VIPR2: variants seen among roughly 807,000 people sequenced by gnomAD.
The protein encoded by VIPR2 is vasoactive intestinal peptide receptor 2, also known as vasoactive intestinal polypeptide receptor 2.
Under a neutral mutation model 58.0 loss-of-function variants are expected in VIPR2, and 48 were observed. The ratio of observed to expected loss-of-function variants is 0.83; its 90% confidence interval spans 0.66 to 1.05. The LOEUF is 1.05. VIPR2 is among the 50% of genes least tolerant of loss of function. VIPR2 has a pLI of 0.00. For missense variants in VIPR2, 534 were observed against 558.0 expected (o/e 0.96, Z 0.43); for synonymous variants, 243 against 235.2 (o/e 1.03, Z -0.30).
At chr7:159,036,070 G>A in intron 7 of VIPR2, 58 bp from the exon 8 acceptor site, 4 of 1,558,268 alleles carry the variant, frequency 2.6e-6, no homozygotes, top group Non-Finnish European at 2.6e-6. Flanking sequence ...GCACACAGGT[G>A]GGTGCCTTCA....
intron 5 of VIPR2, 79 bp from the exon 6 acceptor site, chr7:159,043,255 A>C: frequency 5.4e-6 from 7 of 1,288,108 alleles, no homozygotes; most frequent in Non-Finnish European, 6.4e-6. Flanking sequence ...GAGATGAGAA[A>C]CTCATACTAT....
intron 2 of VIPR2, among the ~76,000 whole-genome samples, chr7:159,132,240 G>GCA (rs1167033874): frequency 2.1e-5 from 3 of 143,284 alleles, no homozygotes; most frequent in African/African-American, 7.7e-5. Flanking sequence ...CCAGGCGCGG[G>GCA]CAGCCCCCGG....
chr7:159,106,817 C>T (rs1221307619), intron 3 of VIPR2, among the ~76,000 whole-genome samples: 10 of 138,474 alleles, frequency 7.2e-5, no homozygotes, highest in Admixed American at 1.5e-4. Context: ...AGAGAGAGGC[C>T]GGGGAGATGC....
intron 4 of VIPR2, among the ~76,000 whole-genome samples, chr7:159,092,842 CAG>C (rs1857582997): frequency 6.6e-6 from 1 of 152,052 alleles, no homozygotes; most frequent in East Asian, 1.9e-4. Context: ...CTCCGTGTCT[CAG>C]AGTTCTGGGC....
At chr7:159,039,041 C>G (rs1217722253) in intron 6 of VIPR2, among the ~76,000 whole-genome samples, 5 of 152,238 alleles carry the variant, frequency 3.3e-5, no homozygotes, top group Non-Finnish European at 7.3e-5. Context: ...TGCCAACGCC[C>G]ACCAGACAGG....
intron 5 of VIPR2, among the ~76,000 whole-genome samples, chr7:159,050,894 T>C (rs1339116568): frequency 6.6e-6 from 1 of 152,160 alleles, no homozygotes; most frequent in Non-Finnish European, 1.5e-5. Context: ...AAAGACACAC[T>C]GCCTCAAAGG....
chr7:159,081,956 C>T (rs1224122499), intron 4 of VIPR2, among the ~76,000 whole-genome samples: 2 of 152,242 alleles, frequency 1.3e-5, no homozygotes, highest in African/African-American at 2.4e-5. Context: ...ATTAAAAAGT[C>T]AGGAAACAAC....
At chr7:159,115,843 G>A (rs1190447455) in intron 2 of VIPR2, among the ~76,000 whole-genome samples, 3 of 152,244 alleles carry the variant, frequency 2.0e-5, no homozygotes, top group Non-Finnish European at 2.9e-5. Flanking sequence ...CTCCGATTCC[G>A]TTGCTGCTTC....
At chr7:159,126,950 C>A (rs1156484981) in intron 2 of VIPR2, among the ~76,000 whole-genome samples, 1 of 152,174 alleles carries the variant, frequency 6.6e-6, no homozygotes, top group African/African-American at 2.4e-5. Context: ...AAAGCTTAAC[C>A]CTGCAAACAC....
At chr7:159,065,120 T>C (rs1385616401) in intron 4 of VIPR2, among the ~76,000 whole-genome samples, 2 of 152,162 alleles carry the variant, frequency 1.3e-5, no homozygotes, top group Non-Finnish European at 2.9e-5. Flanking sequence ...CTTTCTTGGC[T>C]CTCCTAAAGG....
chr7:159,137,894 A>G (rs532212133), intron 2 of VIPR2, among the ~76,000 whole-genome samples: 5 of 152,292 alleles, frequency 3.3e-5, no homozygotes, highest in African/African-American at 1.2e-4. Context: ...AAGGAAAGAT[A>G]TAGGCACCTT....
At chr7:159,055,844 G>A (rs566860532) in intron 5 of VIPR2, among the ~76,000 whole-genome samples, 1 of 152,184 alleles carries the variant, frequency 6.6e-6, no homozygotes, top group Non-Finnish European at 1.5e-5. Context: ...ATTACTCACT[G>A]CTCGTTTTAA....
At chr7:159,065,751 G>T (rs1440807302) in intron 4 of VIPR2, among the ~76,000 whole-genome samples, 1 of 152,166 alleles carries the variant, frequency 6.6e-6, no homozygotes, top group Admixed American at 6.5e-5. Flanking sequence ...TTGCTCCTCC[G>T]GTCTCAGAAA....
At chr7:159,122,104 C>T (rs17837880) in intron 2 of VIPR2, among the ~76,000 whole-genome samples, 23,555 of 152,138 alleles carry the variant, frequency 0.15, 1,915 homozygotes, top group Non-Finnish European at 0.16. Context: ...CGCTTTTATG[C>T]GTGGAGTTCT....
chr7:159,070,137 T>C (rs944393136), intron 4 of VIPR2, among the ~76,000 whole-genome samples: 9 of 152,198 alleles, frequency 5.9e-5, no homozygotes, highest in Non-Finnish European at 8.8e-5. Context: ...ACTTGCCCTT[T>C]AGGAGGGCAT....
At chr7:159,037,900 C>T (rs952263244) in intron 6 of VIPR2, among the ~76,000 whole-genome samples, 4 of 152,084 alleles carry the variant, frequency 2.6e-5, no homozygotes, top group Non-Finnish European at 4.4e-5. Context: ...GGTGTACATA[C>T]GTATGGCAGA....
chr7:159,081,979 G>T (rs1335058880), intron 4 of VIPR2, among the ~76,000 whole-genome samples: 1 of 152,176 alleles, frequency 6.6e-6, no homozygotes, highest in African/African-American at 2.4e-5. Flanking sequence ...GTGCTGGAGA[G>T]GATGTGGAGA....
intron 5 of VIPR2, among the ~76,000 whole-genome samples, chr7:159,047,095 C>T (rs1395760189): frequency 6.6e-6 from 1 of 152,196 alleles, no homozygotes; most frequent in East Asian, 1.9e-4. Flanking sequence ...ATTAGCCGGG[C>T]TTGGTGGTGG....
In VIPR2 at chr7:159,031,487, G is replaced by C. The variant is rs1272425714; in HGVS notation, c.1143+341C>G. 1 of 985,274 alleles carries C rather than the reference G, an allele frequency of 1.0e-6. No homozygotes were observed. The highest frequency in any genetic ancestry group is 1.2e-6 in the Non-Finnish European group (1 of 829,934). 61.0% of individuals were successfully genotyped at this position (985,274 alleles called of 1,614,324 possible). On this transcript the variant is annotated intron_variant, in intron 12 of 12. Coordinates refer to ENST00000262178, the MANE Select transcript of VIPR2 (RefSeq NM_003382.5). This position sits in a 1 kb window ranked among gnomAD's most constrained non-coding sequence, Gnocchi z 4.0. ...CCCCAACCCAGGCCCGGCTTTCTGG[G>C]ACTCACAAGCTATGGTCAGGAGCGA...
Sources: gnomAD v4.1 joint callset for allele counts (sites outside exome capture counted in the v4.1 genomes callset) on GRCh38, gnomAD v4.1.1 for gene constraint, Gnocchi (gnomAD v3.1) non-coding constraint, MANE v1.5 for transcripts, NCBI Gene and HGNC (gene_info 2026-07-23, HGNC 2026-07-21) for gene names.